The following PCDHA4 variants were observed in gnomAD, a reference collection of about 807,000 sequenced individuals.
PCDHA4 encodes the protein protocadherin alpha 4, also known as protocadherin alpha-4.
In PCDHA4, 49 loss-of-function variants were observed where a neutral mutation model predicts 61.4. The observed-to-expected ratio is 0.80, with a 90% CI of 0.63 to 1.01. The LOEUF is 1.01. Among genes scored for constraint, PCDHA4 ranks in the 50% least tolerant of loss-of-function variants. PCDHA4 has a pLI of 0.00. For missense variants in PCDHA4, 1,254 were observed against 1,235.8 expected (o/e 1.01, Z -0.22); for synonymous variants, 590 against 550.3 (o/e 1.07, Z -1.01).
chr5:140,957,736 C>T (rs1001757062), intron 1 of PCDHA4, among the ~76,000 whole-genome samples: 3 of 151,944 alleles, frequency 2.0e-5, no homozygotes, highest in Non-Finnish European at 4.4e-5. Context: ...ATTATATATA[C>T]TGACATGAAA....
At chr5:140,833,623 C>T (rs2150209911) in intron 1 of PCDHA4, among the ~76,000 whole-genome samples, 3 of 152,064 alleles carry the variant, frequency 2.0e-5, no homozygotes, top group Non-Finnish European at 4.4e-5. Context: ...ATTCAGAATA[C>T]TTCCTCCTCA....
At chr5:140,967,188 TCAACGA>T in intron 1 of PCDHA4, 1 of 1,613,420 alleles carries the variant, frequency 6.2e-7, no homozygotes, top group Non-Finnish European at 8.5e-7. Flanking sequence ...ATATTGGACA[TCAACGA>T]CAACTCACCG....
At chr5:140,884,538 G>A (rs781889228) in intron 1 of PCDHA4, 21 of 1,613,994 alleles carry the variant, frequency 1.3e-5, no homozygotes, top group Non-Finnish European at 1.8e-5. Context: ...AGGCGGCCGA[G>A]GGTGTGCTCT....
chr5:141,011,752 C>T lies in PCDHA4; in HGVS notation c.*1815C>T, dbSNP rs1051150394. On this transcript the variant is annotated 3_prime_UTR_variant, in exon 4 of 4. Transcript: ENST00000530339. ...CAAGCACAAATTTTACCAATCTGAC[C>T]TCTTTGAAGTTGCAGAATGCTTTGA... The T allele has an allele frequency of 6.5e-6, 1 of 153,662 alleles. No homozygotes were observed. The highest frequency in any genetic ancestry group is 6.5e-5 in the Admixed American group (1 of 15,272). The allele number at this position is 153,662 out of a possible 1,614,324, so 9.5% of individuals were successfully genotyped here. A position where few individuals can be genotyped will look rare whatever the true frequency, so the allele number is the denominator to read the frequency against.
chr5:140,976,378 C>G (rs908008970), intron 1 of PCDHA4, among the ~76,000 whole-genome samples: 2 of 151,926 alleles, frequency 1.3e-5, no homozygotes, highest in Non-Finnish European at 2.9e-5. Flanking sequence ...TGGTGAAACC[C>G]CATCTCTACT....
At chr5:140,862,559 A>C in intron 1 of PCDHA4, 1 of 470,052 alleles carries the variant, frequency 2.1e-6, no homozygotes, top group Non-Finnish European at 4.3e-6. Context: ...CGAACAGTGA[A>C]CCACAATGCC....
chr5:140,906,877 A>G (rs1361751716), intron 1 of PCDHA4, among the ~76,000 whole-genome samples: 1 of 152,122 alleles, frequency 6.6e-6, no homozygotes, highest in Non-Finnish European at 1.5e-5. Context: ...CAACACTGTA[A>G]CTTCCTTCTT....
intron 1 of PCDHA4, among the ~76,000 whole-genome samples, chr5:140,901,318 T>A (rs1337437902): frequency 6.6e-6 from 1 of 152,202 alleles, no homozygotes; most frequent in African/African-American, 2.4e-5. Flanking sequence ...TTCCCCAATG[T>A]TTTCTTGTAG....
intron 1 of PCDHA4, chr5:140,928,707 C>T: frequency 6.2e-7 from 1 of 1,614,184 alleles, no homozygotes; most frequent in South Asian, 1.1e-5. Flanking sequence ...GGGCGTCTGA[C>T]TCTAGTCTCT....
chr5:140,966,753 C>G, intron 1 of PCDHA4: 3 of 1,433,176 alleles, frequency 2.1e-6, no homozygotes, highest in South Asian at 1.5e-5. Flanking sequence ...CTGCCTCCGC[C>G]GCGGCCAGTG....
At chr5:140,962,803 T>C (rs2095709614) in intron 1 of PCDHA4, among the ~76,000 whole-genome samples, 1 of 152,240 alleles carries the variant, frequency 6.6e-6, no homozygotes. Context: ...TGGACAACTC[T>C]AAACATCAGA....
chr5:140,867,027 C>G (rs1043288554), intron 1 of PCDHA4: 1 of 152,102 alleles, frequency 6.6e-6, no homozygotes, highest in Non-Finnish European at 1.5e-5. Flanking sequence ...ATATCAAACT[C>G]TTTTATGACT....
intron 1 of PCDHA4, chr5:140,829,211 G>C (rs2150163941): frequency 6.2e-7 from 1 of 1,614,206 alleles, no homozygotes; most frequent in Non-Finnish European, 8.5e-7. Flanking sequence ...CCTAATTAGC[G>C]TGAACGACCT....
intron 1 of PCDHA4, chr5:140,967,365 T>G: frequency 6.2e-7 from 1 of 1,607,630 alleles, no homozygotes; most frequent in Non-Finnish European, 8.5e-7. Flanking sequence ...CTTAAGCCCC[T>G]GCAGGAGAAC....
At chr5:141,000,944 T>C (rs2097977292) in intron 3 of PCDHA4, among the ~76,000 whole-genome samples, 1 of 152,196 alleles carries the variant, frequency 6.6e-6, no homozygotes, top group Non-Finnish European at 1.5e-5. Flanking sequence ...GGACAAATTA[T>C]CTTGCTGTAA....
intron 1 of PCDHA4, among the ~76,000 whole-genome samples, chr5:140,963,667 T>A (rs1206076549): frequency 6.6e-6 from 1 of 152,238 alleles, no homozygotes; most frequent in Non-Finnish European, 1.5e-5. Flanking sequence ...CTATATGGCA[T>A]AGTTAAATGT....
intron 1 of PCDHA4, chr5:140,814,179 A>G (rs1765453149): frequency 6.6e-6 from 1 of 152,078 alleles, no homozygotes; most frequent in South Asian, 2.0e-4. Context: ...AGTTTTTTTG[A>G]CTTTTAATTT....
intron 3 of PCDHA4, among the ~76,000 whole-genome samples, chr5:140,987,644 T>G (rs1461630900): frequency 6.6e-6 from 1 of 152,220 alleles, no homozygotes; most frequent in Non-Finnish European, 1.5e-5. Context: ...TGCACACATA[T>G]TGCAGAATCT....
intron 1 of PCDHA4, 33 bp downstream of exon 1, chr5:140,809,605 G>A (rs1414368210): frequency 5.2e-6 from 8 of 1,524,772 alleles, no homozygotes; most frequent in African/African-American, 1.4e-5. Flanking sequence ...TTTAATTTTC[G>A]TATTGTTTTT....
Sources: allele counts gnomAD v4.1 joint callset (sites outside exome capture counted in the v4.1 genomes callset), GRCh38; gene constraint gnomAD v4.1.1; transcripts MANE v1.5; gene names NCBI Gene and HGNC (gene_info 2026-07-23, HGNC 2026-07-21).